The following BRSK2 variants were observed in gnomAD, a reference collection of about 807,000 sequenced individuals.
BRSK2 encodes the protein BR serine/threonine kinase 2, also known as serine/threonine-protein kinase BRSK2.
BRSK2 carries 19 observed loss-of-function variants against 83.3 expected under a neutral mutation model. That is an observed-to-expected ratio of 0.23 (90% CI 0.16 to 0.33). The LOEUF (loss-of-function observed/expected upper bound fraction) is 0.33, where lower values mean the gene tolerates loss of function less well. BRSK2 is among the 10% of genes least tolerant of loss of function. The probability of loss-of-function intolerance (pLI) is 1.00; values close to 1 mark genes in which losing one functional copy is unlikely to be tolerated. For synonymous variants in BRSK2, 519 were observed against 435.4 expected (o/e 1.19, Z -2.39); for missense variants, 798 against 1,042.3 (o/e 0.77, Z 3.23).
chr11:1,451,508 G>T (rs1845818987), intron 15 of BRSK2, 89 bp downstream of exon 15: 23 of 1,397,462 alleles, frequency 1.6e-5, no homozygotes, highest in Middle Eastern at 1.8e-4. Flanking sequence ...GGCCAACGGG[G>T]TGCTCCTTCT....
chr11:1,401,064 C>A (rs1432657923), intron 1 of BRSK2, among the ~76,000 whole-genome samples: 1 of 152,208 alleles, frequency 6.6e-6, no homozygotes, highest in Non-Finnish European at 1.5e-5. Flanking sequence ...TCAGGGAGGA[C>A]CAGCAGACAG....
Position 1,390,206 on chromosome 11 carries a change from G to A in BRSK2, c.-79G>A, listed in dbSNP as rs1402108268. On this transcript the variant is annotated 5_prime_UTR_variant, in exon 1 of 20. Transcript: ENST00000528841. The surrounding 1 kb of genome is among the most constrained non-coding windows in gnomAD (Gnocchi z 6.8). Reference sequence around the variant, plus strand: ...GCCGGGTCGGCGCGGACGGCACTCGGCGGACGCGGGCGGACGCTGGGCGGC... The same window carrying A: ...GCCGGGTCGGCGCGGACGGCACTCGACGGACGCGGGCGGACGCTGGGCGGC... The A allele has an allele frequency of 6.4e-6, 5 of 787,262 alleles. No individual in the cohort carries two copies. In the Admixed American group the frequency reaches 1.9e-4, roughly 30 times the overall value. 48.8% of individuals were successfully genotyped at this position (787,262 alleles called of 1,614,324 possible).
At chr11:1,400,302 C>G (rs538059789) in intron 1 of BRSK2, among the ~76,000 whole-genome samples, 1 of 152,148 alleles carries the variant, frequency 6.6e-6, no homozygotes, top group Non-Finnish European at 1.5e-5. Context: ...CCCGGAGGCC[C>G]GGGCATGGGG....
intron 1 of BRSK2, chr11:1,410,501 G>A (rs1239517082): frequency 1.0e-6 from 1 of 985,376 alleles, no homozygotes; most frequent in Non-Finnish European, 1.2e-6. Flanking sequence ...ATGGGTGCTG[G>A]GCCCGCAGAC....
chr11:1,459,208 G>A lies in BRSK2; in HGVS notation c.1956G>A (p.Met652Ile). The change falls in exon 19 of 20, where the codon ATG becomes ATA. Residue 652 changes from methionine (M) to isoleucine (I), a missense_variant. Met to Ile is a conservative substitution (Grantham distance 10). Transcript: ENST00000528841. ...GTACTCCAGACACCACTAACTGTAT[G>A]GAAATGATGACGGGGCGGCTTTCCA... ...AQHLSDTTNC[M>I]EMMTGRLSKC... The A allele has an allele frequency of 1.2e-6, 2 of 1,613,870 alleles. No individual in the cohort carries two copies. The highest frequency in any genetic ancestry group is 1.7e-6 in the Non-Finnish European group (2 of 1,179,866).
At chr11:1,457,806 C>T (rs981603932) in intron 18 of BRSK2, among the ~76,000 whole-genome samples, 1 of 151,098 alleles carries the variant, frequency 6.6e-6, no homozygotes, top group Admixed American at 6.6e-5. Flanking sequence ...GGGAGCCCCC[C>T]CAGAGTGTGC....
chr11:1,395,812 C>CTG (rs1451453585), intron 1 of BRSK2, among the ~76,000 whole-genome samples: 1 of 152,228 alleles, frequency 6.6e-6, no homozygotes, highest in Non-Finnish European at 1.5e-5. Context: ...GCTGTGCCCC[C>CTG]TCCCCCAGCT....
chr11:1,396,470 C>T (rs1458533754), intron 1 of BRSK2, among the ~76,000 whole-genome samples: 5 of 152,202 alleles, frequency 3.3e-5, no homozygotes, highest in Non-Finnish European at 5.9e-5. Flanking sequence ...CCTGCTCCGG[C>T]GCTCTGGGTG....
rs1850616527 is a variant in BRSK2, at chr11:1,438,313, G to A, written c.194G>A (p.Arg65Gln). 5 of 1,614,018 alleles carry A rather than the reference G, an allele frequency of 3.1e-6. No individual in the cohort carries two copies. Among genetic ancestry groups the A allele is most frequent in the Non-Finnish European group, 4.2e-6 (5 of 1,179,936 alleles). ...LSESVLMKVEREIAILKLIEH... is the reference protein window; with the variant it reads ...LSESVLMKVEQEIAILKLIEH... ...CTGGCCTCTCCCATGCAGGTGGAGC[G>A]GGAGATCGCGATCCTGAAGCTCATT... Residue 65 changes from arginine (R) to glutamine (Q), a missense_variant, in exon 3 of 20, where the codon CGG becomes CAG. By Grantham distance (43) the Arg-to-Gln change is conservative. Coordinates refer to ENST00000528841, the MANE Select transcript of BRSK2 (RefSeq NM_001256627.2). The surrounding 1 kb of genome is among the most constrained non-coding windows in gnomAD (Gnocchi z 6.4).
chr11:1,458,225 G>A (rs569901987), intron 18 of BRSK2, among the ~76,000 whole-genome samples: 1 of 152,166 alleles, frequency 6.6e-6, no homozygotes, highest in South Asian at 2.1e-4. Flanking sequence ...TGCGTGGGCT[G>A]TAGGCAAAGC....
intron 1 of BRSK2, chr11:1,411,739 G>T: frequency 6.8e-7 from 1 of 1,462,930 alleles, no homozygotes; most frequent in African/African-American, 1.4e-5. Context: ...CGCCAGCACT[G>T]GTGGGCTGCA....
rs1846547443 is a variant in BRSK2 at position 1,456,433 on chromosome 11, A to G, written c.1754A>G (p.Lys585Arg). Residue 585 changes from lysine to arginine, a missense_variant, in exon 17 of 20, where the codon AAG becomes AGG. Coordinates refer to ENST00000528841, the MANE Select transcript of BRSK2 (RefSeq NM_001256627.2). ...KATGGPAVFQ[K>R]PVKFQVDITY... ...ACGGGGGGGCCAGCCGTGTTCCAGA[A>G]GCCGGTCAAGTTCCAGGTTGATATC... The G allele has an allele frequency of 6.3e-7, 1 of 1,594,472 alleles. No individual in the cohort carries two copies. Among genetic ancestry groups the G allele is most frequent in the Admixed American group, 1.8e-5 (1 of 56,444 alleles).
In BRSK2 at chr11:1,438,910, C is replaced by T. The variant is rs1274992334; in HGVS notation, c.272+519C>T. On this transcript the variant is annotated intron_variant, in intron 3 of 19. Transcript: ENST00000528841. The surrounding 1 kb of genome is among the most constrained non-coding windows in gnomAD (Gnocchi z 6.4). ...GGCCAGCAGAAATCCCTACCCTGTC[C>T]CAGGCATGCCTGGCTGTGAACCCCA... Among the ~76,000 whole-genome samples the T allele has an allele frequency of 6.6e-6, 1 of 152,178 alleles. No individual in the cohort carries two copies. The highest frequency in any genetic ancestry group is 2.4e-5 in the African/African-American group (1 of 41,444).
intron 1 of BRSK2, among the ~76,000 whole-genome samples, chr11:1,409,113 G>C (rs953141695): frequency 6.6e-6 from 1 of 152,132 alleles, no homozygotes; most frequent in South Asian, 2.1e-4. Context: ...TGTGTGTGCC[G>C]TCTGACCCTG....
At chr11:1,453,223 C>A (rs561618965) in intron 15 of BRSK2, among the ~76,000 whole-genome samples, 7 of 152,392 alleles carry the variant, frequency 4.6e-5, no homozygotes, top group Non-Finnish European at 8.8e-5. Context: ...GCACTGCCCA[C>A]CACGTGGGTG....
At chr11:1,455,315 G>A (rs906605059) in intron 16 of BRSK2, among the ~76,000 whole-genome samples, 27 of 44,542 alleles carry the variant, frequency 6.1e-4, no homozygotes, top group East Asian at 3.5e-3. Flanking sequence ...CCCCCCACCC[G>A]CCTCCCCCAC....
At chr11:1,412,022 C>T (rs113924343) in intron 1 of BRSK2, among the ~76,000 whole-genome samples, 119 of 101,102 alleles carry the variant, frequency 1.2e-3, no homozygotes, top group Middle Eastern at 0.013. Flanking sequence ...TCAGCTGCGC[C>T]GCCCCGTCCT....
Position 1,452,304 on chromosome 11 carries a change from A to C in BRSK2, c.1544+885A>C, listed in dbSNP as rs930660088. On this transcript the variant is annotated intron_variant, in intron 15 of 19. Coordinates refer to ENST00000528841, the MANE Select transcript of BRSK2 (RefSeq NM_001256627.2). Reference sequence around the variant, plus strand: ...ACCCAGTGGCCTTTCTGCGCCGATCAGGTGGCCCTTCCAGCTGGGTGCCCA... The same window carrying C: ...ACCCAGTGGCCTTTCTGCGCCGATCCGGTGGCCCTTCCAGCTGGGTGCCCA... Among the ~76,000 whole-genome samples the C allele has an allele frequency of 2.0e-5, 3 of 152,344 alleles. No homozygotes were observed. In the South Asian group the frequency reaches 6.2e-4, roughly 32 times the overall value.
At chr11:1,417,310 G>T (rs1318063246) in intron 1 of BRSK2, among the ~76,000 whole-genome samples, 1 of 152,236 alleles carries the variant, frequency 6.6e-6, no homozygotes, top group African/African-American at 2.4e-5. Flanking sequence ...TTTGGTGCTT[G>T]TCAGGATAGT....
Sources: allele counts gnomAD v4.1 joint callset (sites outside exome capture counted in the v4.1 genomes callset), GRCh38; gene constraint gnomAD v4.1.1; non-coding constraint Gnocchi (gnomAD v3.1); transcripts MANE v1.5; gene names NCBI Gene and HGNC (gene_info 2026-07-23, HGNC 2026-07-21).